Variants in PPM1B observed in about 807,000 individuals in gnomAD.
PPM1B encodes the protein protein phosphatase 1B.
In PPM1B, 22 loss-of-function variants were observed where a neutral mutation model predicts 43.0. That is an observed-to-expected ratio of 0.51 (90% CI 0.37 to 0.73). The LOEUF is 0.73. Ranked by LOEUF, PPM1B falls within the 30% of genes least tolerant of loss-of-function variation. The pLI, the probability that PPM1B is intolerant of heterozygous loss-of-function variation, is 0.00. For missense variants in PPM1B, 632 were observed against 584.2 expected (o/e 1.08, Z -0.84); for synonymous variants, 217 against 197.9 (o/e 1.10, Z -0.81).
chr2:44,216,660 G>T (rs541448334), intron 3 of PPM1B, among the ~76,000 whole-genome samples: 2 of 152,310 alleles, frequency 1.3e-5, no homozygotes, highest in Admixed American at 6.5e-5. Flanking sequence ...GGGCGTGGTG[G>T]CTCAGGCCTC....
At chr2:44,174,111 T>C (rs933638861) in intron 1 of PPM1B, among the ~76,000 whole-genome samples, 1 of 152,246 alleles carries the variant, frequency 6.6e-6, no homozygotes, top group Non-Finnish European at 1.5e-5. Context: ...TATCACACAG[T>C]TTAATATTAA....
intron 1 of PPM1B, among the ~76,000 whole-genome samples, chr2:44,177,336 A>G (rs1467247678): frequency 6.6e-6 from 1 of 151,822 alleles, no homozygotes; most frequent in African/African-American, 2.4e-5. Flanking sequence ...GGTGGTTGCT[A>G]GTCCTAAACT....
At chr2:44,218,959 C>G (rs1019456607) in intron 5 of PPM1B, 1 of 431,140 alleles carries the variant, frequency 2.3e-6, no homozygotes, top group African/African-American at 2.1e-5. Context: ...TTCAGTACCC[C>G]TGTATGCCCA....
intron 1 of PPM1B, among the ~76,000 whole-genome samples, chr2:44,181,370 A>G (rs137923470): frequency 6.6e-6 from 1 of 152,152 alleles, no homozygotes. Context: ...AGGCATGACA[A>G]ATTAGAGAAG....
chr2:44,212,664 T>C (rs1426865680), intron 3 of PPM1B, among the ~76,000 whole-genome samples: 1 of 152,176 alleles, frequency 6.6e-6, no homozygotes, highest in African/African-American at 2.4e-5. Context: ...TTCTTTTAGA[T>C]GTATTCCAGT....
chr2:44,233,231 T>G, downstream of PPM1B: 1 of 905,924 alleles, frequency 1.1e-6, no homozygotes, highest in Non-Finnish European at 1.3e-6. Context: ...TTATGTTATT[T>G]TAAAAGCTCA....
intron 5 of PPM1B, among the ~76,000 whole-genome samples, chr2:44,241,855 A>ATTTTTTT (rs1308907282): frequency 2.4e-4 from 8 of 32,834 alleles, no homozygotes; most frequent in African/African-American, 7.5e-4. Flanking sequence ...TTAGAAAATA[A>ATTTTTTT]TCTTTTTTTT....
intron 1 of PPM1B, among the ~76,000 whole-genome samples, chr2:44,185,406 A>C (rs763692936): frequency 6.6e-6 from 1 of 152,224 alleles, no homozygotes. Context: ...TTTAGAGCAC[A>C]CTGTATGTAT....
chr2:44,192,468 G>C (rs1209383189), intron 1 of PPM1B, among the ~76,000 whole-genome samples: 2 of 151,988 alleles, frequency 1.3e-5, no homozygotes, highest in Non-Finnish European at 2.9e-5. Flanking sequence ...TGCCTGCCTC[G>C]GCCTCCCAAA....
At chr2:44,209,411 G>GAC in intron 3 of PPM1B, 84 bp downstream of exon 3, 1 of 1,428,686 alleles carries the variant, frequency 7.0e-7, no homozygotes, top group African/African-American at 1.5e-5. Flanking sequence ...TCGCCTGGGC[G>GAC]ACACACCAAG....
intron 2 of PPM1B, among the ~76,000 whole-genome samples, chr2:44,205,048 A>C (rs1669108718): frequency 6.6e-6 from 1 of 152,112 alleles, no homozygotes; most frequent in Non-Finnish European, 1.5e-5. Flanking sequence ...TATGGTGTTT[A>C]CTGCCAACTA....
intron 5 of PPM1B, among the ~76,000 whole-genome samples, chr2:44,227,912 T>G (rs1057327280): frequency 7.3e-6 from 1 of 136,992 alleles, no homozygotes; most frequent in Non-Finnish European, 1.6e-5. Context: ...TTTTTTTTTC[T>G]TTTTCTTTTC....
intron 2 of PPM1B, among the ~76,000 whole-genome samples, chr2:44,207,005 A>G (rs191025112): frequency 4.4e-4 from 67 of 152,340 alleles, no homozygotes; most frequent in Non-Finnish European, 8.2e-4. Context: ...GGTGGGTTTC[A>G]TTAAGGAATG....
In PPM1B at chr2:44,229,935, T is replaced by G. The variant is rs901089226; in HGVS notation, c.1135-478T>G. On this transcript the variant is annotated intron_variant, in intron 5 of 5. Transcript: ENST00000282412. ...TTTTATCCGTAAAAACTCTAAAATC[T>G]TTCAAAAATCTGTTTAAATCTATAT... 39 of 1,410,962 alleles carry G rather than the reference T, an allele frequency of 2.8e-5. No individual in the cohort carries two copies. In the African/African-American group the frequency reaches 5.4e-4, roughly 20 times the overall value. 87.4% of individuals were successfully genotyped at this position (1,410,962 alleles called of 1,614,324 possible).
chr2:44,196,464 T>A lies in PPM1B; in HGVS notation c.-14-4722T>A, dbSNP rs181394915. On this transcript the variant is annotated intron_variant, in intron 1 of 5. Coordinates refer to ENST00000282412, the MANE Select transcript of PPM1B (RefSeq NM_002706.6). ...ATAAACCGTTGATGTCAAGTTTGAT[T>A]ACCTGGCTGAGGTAGTGTTTGTCAG... Among the ~76,000 whole-genome samples, 377 of 152,372 alleles carry A rather than the reference T, an allele frequency of 2.5e-3. 1 individual carries two copies. The highest frequency in any genetic ancestry group is 8.5e-3 in the African/African-American group (355 of 41,596).
downstream of PPM1B, among the ~76,000 whole-genome samples, chr2:44,234,880 C>A (rs1443160817): frequency 6.6e-6 from 1 of 152,056 alleles, no homozygotes; most frequent in African/African-American, 2.4e-5. Flanking sequence ...TACAAAAATT[C>A]AGTGTAAAAA....
intron 5 of PPM1B, among the ~76,000 whole-genome samples, chr2:44,226,375 C>T (rs940380283): frequency 3.3e-5 from 5 of 152,264 alleles, no homozygotes; most frequent in African/African-American, 7.2e-5. Flanking sequence ...AGTTGGAAAG[C>T]GAGAGGTACT....
At chr2:44,180,756 G>A (rs577967654) in intron 1 of PPM1B, among the ~76,000 whole-genome samples, 17 of 151,884 alleles carry the variant, frequency 1.1e-4, no homozygotes, top group Admixed American at 9.9e-4. Context: ...GACTACAGGC[G>A]TGGGGCACCA....
downstream of PPM1B, chr2:44,234,333 A>C: frequency 1.5e-5 from 9 of 613,632 alleles, no homozygotes; most frequent in South Asian, 7.3e-5. Flanking sequence ...ATCCTGGCCA[A>C]CACGGTGAAA....
Sources: allele counts gnomAD v4.1 joint callset (sites outside exome capture counted in the v4.1 genomes callset), GRCh38; gene constraint gnomAD v4.1.1; transcripts MANE v1.5; gene names NCBI Gene and HGNC (gene_info 2026-07-23, HGNC 2026-07-21).